The following BMPR1A variants were observed in gnomAD, a reference collection of about 807,000 sequenced individuals.
BMPR1A encodes the protein bone morphogenetic protein receptor type 1A.
BMPR1A carries 7 observed loss-of-function variants against 66.0 expected under a neutral mutation model. The ratio of observed to expected loss-of-function variants is 0.11; its 90% CI spans 0.06 to 0.20. The LOEUF (loss-of-function observed/expected upper bound fraction) is 0.20. Among genes scored for constraint, BMPR1A ranks in the 10% least tolerant of loss-of-function variants. The pLI is 1.00. For missense variants in BMPR1A, 408 were observed against 669.1 expected, an observed-to-expected ratio of 0.61 and a Z score of 4.31; for synonymous variants, 200 against 229.7, an observed-to-expected ratio of 0.87 and a Z score of 1.17.
intron 1 of BMPR1A, among the ~76,000 whole-genome samples, chr10:86,780,655 G>C (rs549908874): frequency 7.2e-5 from 11 of 151,802 alleles, no homozygotes; most frequent in Admixed American, 7.2e-4. Context: ...GGCTGGTCTC[G>C]AGTTCCTGAC....
intron 2 of BMPR1A, among the ~76,000 whole-genome samples, chr10:86,866,956 G>A (rs145259034): frequency 9.2e-5 from 14 of 152,236 alleles, no homozygotes; most frequent in South Asian, 2.1e-4. Flanking sequence ...GATAATGCAC[G>A]TAAAACTAAT....
chr10:86,886,245 T>C (rs1388053139), intron 3 of BMPR1A, among the ~76,000 whole-genome samples: 1 of 152,150 alleles, frequency 6.6e-6, no homozygotes, highest in Non-Finnish European at 1.5e-5. Context: ...TGTTGGGCCC[T>C]GGGAGCACAC....
intron 2 of BMPR1A, chr10:86,855,152 C>T (rs1842623364): frequency 2.4e-6 from 1 of 409,124 alleles, no homozygotes. Flanking sequence ...GAACTCCTGA[C>T]ATCAGGTGAT....
At chr10:86,824,157 A>G (rs900472007) in intron 1 of BMPR1A, among the ~76,000 whole-genome samples, 6 of 124,230 alleles carry the variant, frequency 4.8e-5, no homozygotes, top group African/African-American at 1.6e-4. Context: ...TATCTCTGAA[A>G]TTCAAACATA....
At position 86,906,762 on chromosome 10, in the gene BMPR1A, A is replaced by C. The variant is rs893823283; in HGVS notation, c.531-5478A>C. 4.4e-3 allele frequency among the ~76,000 whole-genome samples: 638 copies of C among 143,572 alleles called. 113 individuals carry two copies. The highest frequency in any genetic ancestry group is 8.4e-3 in the Non-Finnish European group (545 of 65,104). 94.2% of individuals were successfully genotyped at this position (143,572 alleles called of 152,430 possible). A position where few individuals can be genotyped will look rare whatever the true frequency, so the allele number is the denominator to read the frequency against. On this transcript the variant is annotated intron_variant, in intron 7 of 12. Transcript: ENST00000372037. Reference sequence around the variant, plus strand: ...AAAAAAAAAAAAAAAAAAAAAAAAAACACTTTGTCCTTTTATCTGTCTCTT... The same window carrying C: ...AAAAAAAAAAAAAAAAAAAAAAAAACCACTTTGTCCTTTTATCTGTCTCTT...
intron 2 of BMPR1A, among the ~76,000 whole-genome samples, chr10:86,854,512 A>G (rs561584457): frequency 3.9e-4 from 60 of 152,316 alleles, no homozygotes; most frequent in Non-Finnish European, 7.1e-4. Context: ...CAAAAGTATT[A>G]ATTTGGGGAA....
At chr10:86,870,255 C>G (rs1171113014) in intron 2 of BMPR1A, among the ~76,000 whole-genome samples, 1 of 152,188 alleles carries the variant, frequency 6.6e-6, no homozygotes, top group Non-Finnish European at 1.5e-5. Context: ...GTTAGACATT[C>G]CCTTTGGGTA....
intron 1 of BMPR1A, among the ~76,000 whole-genome samples, chr10:86,789,323 A>C (rs1179966492): frequency 6.6e-6 from 1 of 152,218 alleles, no homozygotes; most frequent in Non-Finnish European, 1.5e-5. Context: ...ACCTGTGTGC[A>C]TAAAAGGACG....
intron 1 of BMPR1A, among the ~76,000 whole-genome samples, chr10:86,780,036 C>G (rs1177197521): frequency 6.6e-6 from 1 of 152,190 alleles, no homozygotes; most frequent in East Asian, 1.9e-4. Flanking sequence ...CTCCCGAACG[C>G]TGGGATTACA....
intron 1 of BMPR1A, among the ~76,000 whole-genome samples, chr10:86,767,859 G>C (rs960126093): frequency 1.3e-5 from 2 of 152,074 alleles, no homozygotes; most frequent in African/African-American, 4.8e-5. Flanking sequence ...CTTGTCGCTG[G>C]AGAGAATTTG....
In BMPR1A at chr10:86,899,930, A is replaced by G. The variant is rs369985300; in HGVS notation, c.430+40A>G. The G allele has an allele frequency of 1.3e-4, 207 of 1,609,992 alleles. No individual in the cohort carries two copies. The Admixed American group carries it at 1.6e-3, about 12-fold the overall frequency. On this transcript the variant is annotated intron_variant, in intron 6 of 12. Coordinates refer to ENST00000372037, the MANE Select transcript of BMPR1A (RefSeq NM_004329.3). ...AAAAGTCGGAGCATGCTTCTCAAAT[A>G]TCTTCTCTGGTTTTACAGTAACCAG...
At chr10:86,791,906 T>C (rs1841631128) in intron 1 of BMPR1A, among the ~76,000 whole-genome samples, 1 of 137,132 alleles carries the variant, frequency 7.3e-6, no homozygotes, top group East Asian at 2.3e-4. Context: ...TTGCTAGAGA[T>C]GGGGGTTTCA....
At chr10:86,895,793 C>T (rs541597346) in intron 5 of BMPR1A, among the ~76,000 whole-genome samples, 6 of 152,026 alleles carry the variant, frequency 3.9e-5, no homozygotes, top group East Asian at 3.9e-4. Context: ...TTTTGGAGGC[C>T]GAGGCGGGCA....
Position 86,919,182 on chromosome 10 carries a change from G to A in BMPR1A, c.879G>A (p.Ala293=), listed in dbSNP as rs770203548. ...TCATCAACTGGACAGGTTTCATAGC[G>A]GCAGACATTAAAGGTACAGGTTCCT... ...MRHENILGFI[A]ADIKGTGSWT... is the part of the protein sequence containing the mutation. Residue 293 remains alanine, a synonymous_variant, in exon 10 of 13, where the codon GCG becomes GCA. Transcript: ENST00000372037. The A allele has an allele frequency of 1.7e-5, 27 of 1,613,740 alleles. No individual in the cohort carries two copies. Among genetic ancestry groups the A allele is most frequent in the African/African-American group, 1.5e-4 (11 of 74,868 alleles).
intron 2 of BMPR1A, chr10:86,843,406 G>C (rs1055687955): frequency 6.6e-6 from 1 of 152,126 alleles, no homozygotes; most frequent in Non-Finnish European, 1.5e-5. Flanking sequence ...TATTCTACAG[G>C]ATATTACTTT....
intron 2 of BMPR1A, among the ~76,000 whole-genome samples, chr10:86,862,535 C>G (rs1842725008): frequency 6.6e-6 from 1 of 152,130 alleles, no homozygotes; most frequent in Non-Finnish European, 1.5e-5. Flanking sequence ...TGCTGTGTTG[C>G]AAATCCATAG....
intron 2 of BMPR1A, among the ~76,000 whole-genome samples, chr10:86,843,934 A>G (rs980606974): frequency 8.5e-5 from 13 of 152,170 alleles, no homozygotes; most frequent in African/African-American, 3.1e-4. Flanking sequence ...TGGAAATAGA[A>G]AAGAAAGACT....
At chr10:86,876,503 G>T (rs985939090) in intron 3 of BMPR1A, among the ~76,000 whole-genome samples, 13 of 152,074 alleles carry the variant, frequency 8.5e-5, no homozygotes, top group Non-Finnish European at 1.8e-4. Flanking sequence ...CATTTTATTG[G>T]CCAGGCACAG....
intron 1 of BMPR1A, among the ~76,000 whole-genome samples, chr10:86,782,661 A>G (rs578176302): frequency 4.6e-5 from 7 of 151,578 alleles, no homozygotes; most frequent in Non-Finnish European, 7.4e-5. Flanking sequence ...AAAAATGTCT[A>G]TTCAAGTCCT....
Sources: gnomAD v4.1 joint callset for allele counts (sites outside exome capture counted in the v4.1 genomes callset) on GRCh38, gnomAD v4.1.1 for gene constraint, MANE v1.5 for transcripts, NCBI Gene and HGNC (gene_info 2026-07-23, HGNC 2026-07-21) for gene names.